The following MRGBP variants were observed in gnomAD, a reference collection of about 807,000 sequenced individuals.
MRGBP encodes the protein MRG/MORF4L-binding protein.
A neutral mutation model predicts 21.5 loss-of-function variants in MRGBP; 5 were observed. That is an observed-to-expected ratio of 0.23 (90% CI 0.12 to 0.49). MRGBP has a LOEUF of 0.49. Ranked by LOEUF, MRGBP falls within the 20% of genes least tolerant of loss-of-function variation. The pLI is 0.98. For synonymous variants in MRGBP, 118 were observed against 104.4 expected, an observed-to-expected ratio of 1.13 and a Z score of -0.79; for missense variants, 227 against 277.4, an observed-to-expected ratio of 0.82 and a Z score of 1.29.
chr20:62,798,949 G>T, intron 3 of MRGBP, 26 bp from the exon 4 acceptor site: 1 of 1,613,316 alleles, frequency 6.2e-7, no homozygotes, highest in Non-Finnish European at 8.5e-7. Context: ...TGGGTTTTCG[G>T]TGAGCGTCAG....
intron 1 of MRGBP, 39 bp from the exon 2 acceptor site, chr20:62,797,070 CA>C: frequency 6.5e-7 from 1 of 1,529,566 alleles, no homozygotes. Context: ...CCTTTCTCCT[CA>C]CCGCTCACCG....
At chr20:62,797,378 G>T (rs1006037442) in intron 2 of MRGBP, 147 bp downstream of exon 2, 4 of 1,170,878 alleles carry the variant, frequency 3.4e-6, no homozygotes, top group Non-Finnish European at 4.5e-6. Flanking sequence ...GCCTGCTGGG[G>T]TCTGCAGTGA....
Position 62,799,964 on chromosome 20 carries a change from C to T in MRGBP, c.*321C>T, listed in dbSNP as rs1381156072. The T allele has an allele frequency of 1.1e-5, 3 of 278,320 alleles. No homozygotes were observed. The highest frequency in any genetic ancestry group is 1.3e-4 in the East Asian group (2 of 15,884). The allele number at this position is 278,320 out of a possible 1,614,324, so 17.2% of individuals were successfully genotyped here. ...TGCTTGGTGACATGGATTAGCGCTA[C>T]GTGGGCTGCAGCATTTGGGATCCAG... On this transcript the variant is annotated 3_prime_UTR_variant, in exon 5 of 5. Coordinates refer to ENST00000370487, the MANE Select transcript of MRGBP (RefSeq NM_018270.6).
At position 62,799,553 on chromosome 20, in the gene MRGBP, C is replaced by G; in HGVS notation, c.525C>G (p.Asp175Glu). 1.2e-6 allele frequency: 2 copies of G among 1,613,856 alleles called. No individual in the cohort carries two copies. Among genetic ancestry groups the G allele is most frequent in the Non-Finnish European group, 1.7e-6 (2 of 1,180,012 alleles). Reference sequence around the variant, plus strand: ...ACTTGGGGTGCAAAGAAGGCGCAGACAAGCGGAAGCGCAGCCGGGTCACCG... The same window carrying G: ...ACTTGGGGTGCAAAGAAGGCGCAGAGAAGCGGAAGCGCAGCCGGGTCACCG... ...SSDLGCKEGA[D>E]KRKRSRVTDK... is the part of the protein sequence containing the mutation. Residue 175 changes from aspartate (D) to glutamate (E), a missense_variant, in exon 5 of 5, where the codon GAC becomes GAG. By Grantham distance (45) the Asp-to-Glu change is conservative. Around this residue, in one of 2 missense-constraint regions of MRGBP, gnomAD observed 162 missense variants for 227.7 expected, o/e 0.71. Transcript: ENST00000370487.
rs1414893865 is a variant in MRGBP at position 62,796,504 on chromosome 20, TG to T, written c.-19del. The T allele has an allele frequency of 8.8e-7, 1 of 1,132,618 alleles. No homozygotes were observed. Among genetic ancestry groups the T allele is most frequent in the Non-Finnish European group, 1.1e-6 (1 of 924,346 alleles). The allele number at this position is 1,132,618 out of a possible 1,614,324, so 70.2% of individuals were successfully genotyped here. A position where few individuals can be genotyped will look rare whatever the true frequency, so the allele number is the denominator to read the frequency against. On this transcript the variant is annotated 5_prime_UTR_variant, in exon 1 of 5. Transcript: ENST00000370487. The stretch of plus-strand genomic sequence containing the variant: ...GCGCCTGCTCCCGCCGGGGGCTCCT[TG>T]CTCGGCCGGGCCGCGGCCATGGGAG...
In MRGBP at chr20:62,796,483, C is replaced by T; in HGVS notation, c.-41C>T. ...GCCTGCGCGGAGCTCGTGGCCGCGCCTGCTCCCGCCGGGGGCTCCTTGCTC... is the reference window on the plus strand; with the variant it reads ...GCCTGCGCGGAGCTCGTGGCCGCGCTTGCTCCCGCCGGGGGCTCCTTGCTC... On this transcript the variant is annotated 5_prime_UTR_variant, in exon 1 of 5. Transcript: ENST00000370487. The T allele has an allele frequency of 9.1e-7, 1 of 1,104,050 alleles. No individual in the cohort carries two copies. The highest frequency in any genetic ancestry group is 1.1e-6 in the Non-Finnish European group (1 of 905,988). 68.4% of individuals were successfully genotyped at this position (1,104,050 alleles called of 1,614,324 possible). A position where few individuals can be genotyped will look rare whatever the true frequency, so the allele number is the denominator to read the frequency against.
At chr20:62,797,799 C>G (rs992212682) in intron 2 of MRGBP, among the ~76,000 whole-genome samples, 1 of 152,156 alleles carries the variant, frequency 6.6e-6, no homozygotes, top group East Asian at 1.9e-4. Context: ...GACGGGCGAG[C>G]GGGTTAACTA....
In MRGBP at chr20:62,797,095, C is replaced by T. The variant is rs550406324; in HGVS notation, c.149-15C>T. ...CACCGCTCACCGGTTATCCCGCCGCCCCTCCTCCCCTCAGGTGTGAACCGA... is the reference window on the plus strand; with the variant it reads ...CACCGCTCACCGGTTATCCCGCCGCTCCTCCTCCCCTCAGGTGTGAACCGA... On this transcript the variant is annotated splice_polypyrimidine_tract_variant and intron_variant, in intron 1 of 4. Coordinates refer to ENST00000370487, the MANE Select transcript of MRGBP (RefSeq NM_018270.6). The T allele has an allele frequency of 2.4e-5, 38 of 1,588,584 alleles. No homozygotes were observed. In the South Asian group the frequency reaches 3.1e-4, roughly 13 times the overall value.
intron 3 of MRGBP, 122 bp from the exon 4 acceptor site, chr20:62,798,853 T>C: frequency 6.3e-7 from 1 of 1,576,192 alleles, no homozygotes; most frequent in Non-Finnish European, 8.6e-7. Context: ...TTGAGAGCAG[T>C]GGCTGGACGG....
In MRGBP at chr20:62,799,702, T is replaced by C; in HGVS notation, c.*59T>C. On this transcript the variant is annotated 3_prime_UTR_variant, in exon 5 of 5. Transcript: ENST00000370487. The stretch of plus-strand genomic sequence containing the variant: ...GAGGCACTGTGGTCGCTGAGGGGGT[T>C]GGCTGGGTCTGAGTGCCACCCCCCA... 6.5e-7 allele frequency: 1 copy of C among 1,542,886 alleles called. No homozygotes were observed. Among genetic ancestry groups the C allele is most frequent in the Non-Finnish European group, 8.7e-7 (1 of 1,144,146 alleles).
chr20:62,799,036 T>G lies in MRGBP; in HGVS notation c.414T>G (p.Asn138Lys). ...TGAAGGAAGACGTGGACCCCCACAA[T>G]GGGGCTGACGATGGTGAGTGTGGAG... ...EEMKEDVDPH[N>K]GADDVFSSSG... Residue 138 changes from asparagine to lysine, a missense_variant, in exon 4 of 5, where the codon AAT becomes AAG. Physicochemically the swap from Asn to Lys is moderately conservative, Grantham distance 94. Around this residue, in one of 2 missense-constraint regions of MRGBP, gnomAD observed 162 missense variants for 227.7 expected, o/e 0.71. Transcript: ENST00000370487. 1 of 1,612,472 alleles carries G rather than the reference T, an allele frequency of 6.2e-7. No individual in the cohort carries two copies. The highest frequency in any genetic ancestry group is 1.1e-5 in the South Asian group (1 of 91,010).
In MRGBP at chr20:62,797,228, G is replaced by A. The variant is rs146684922; in HGVS notation, c.267G>A (p.Ala89=). 1.3e-6 allele frequency: 2 copies of A among 1,583,054 alleles called. No homozygotes were observed. The highest frequency in any genetic ancestry group is 1.4e-5 in the African/African-American group (1 of 73,388). ...TGAGCACCATGTACGACATGCAGGC[G>A]CTGGTGAGCCCAACCGCCCTCCCTG... ...DHLSTMYDMQ[A]LHESEILPFP... Residue 89 remains alanine, a synonymous_variant, in exon 2 of 5, where the codon GCG becomes GCA. Coordinates refer to ENST00000370487, the MANE Select transcript of MRGBP (RefSeq NM_018270.6).
chr20:62,798,690 G>A (rs1470892214), intron 3 of MRGBP, 22 bp downstream of exon 3: 2 of 1,612,190 alleles, frequency 1.2e-6, no homozygotes, highest in Admixed American at 3.3e-5. Flanking sequence ...GAAAGGTTGG[G>A]CTTGGGATTC....
chr20:62,797,965 GA>G (rs2147174744), intron 2 of MRGBP, among the ~76,000 whole-genome samples: 1 of 152,262 alleles, frequency 6.6e-6, no homozygotes, highest in East Asian at 1.9e-4. Context: ...TGTGCTGGTG[GA>G]GAGTCTGTGC....
In MRGBP at chr20:62,796,581, G is replaced by T; in HGVS notation, c.58G>T (p.Ala20Ser). 1 of 1,264,504 alleles carries T rather than the reference G, an allele frequency of 7.9e-7. No individual in the cohort carries two copies. 78.3% of individuals were successfully genotyped at this position (1,264,504 alleles called of 1,614,324 possible). Reference protein sequence around the residue: ...GAAGDKGPGEAATSPAEETVV... With the variant: ...GAAGDKGPGESATSPAEETVV... ...CGCAGGCGACAAGGGCCCGGGGGAG[G>T]CGGCCACCAGCCCGGCGGAGGAGAC... The change falls in exon 1 of 5, where the codon GCG becomes TCG. Residue 20 changes from alanine (A) to serine (S), a missense_variant. Physicochemically the swap from Ala to Ser is moderately conservative, Grantham distance 99. Coordinates refer to ENST00000370487, the MANE Select transcript of MRGBP (RefSeq NM_018270.6).
At chr20:62,798,890 C>G (rs988230217) in intron 3 of MRGBP, 85 bp from the exon 4 acceptor site, 1 of 1,595,558 alleles carries the variant, frequency 6.3e-7, no homozygotes, top group Non-Finnish European at 8.5e-7. Context: ...GGGCAGCAAG[C>G]GTCGGAGCAG....
chr20:62,797,301 G>A, intron 2 of MRGBP, 70 bp downstream of exon 2: 1 of 1,480,494 alleles, frequency 6.8e-7, no homozygotes, highest in Non-Finnish European at 9.0e-7. Context: ...CTGAGAGTCA[G>A]CCTGAGCTGG....
chr20:62,796,623 G>A lies in MRGBP; in HGVS notation c.100G>A (p.Glu34Lys). ...PAEETVVWSP[E>K]VEVCLFHAML... The stretch of plus-strand genomic sequence containing the variant: ...GGAGGAGACAGTGGTGTGGAGCCCC[G>A]AGGTGGAGGTGTGCCTCTTCCACGC... The change falls in exon 1 of 5, where the codon GAG (glutamate) becomes AAG (lysine). Residue 34 changes from glutamate to lysine, a missense_variant. By Grantham distance (56) the Glu-to-Lys change is moderately conservative (BLOSUM62 1). Around this residue, in one of 2 missense-constraint regions of MRGBP, gnomAD observed 65 missense variants for 49.7 expected, o/e 1.31. Transcript: ENST00000370487. 1 of 1,332,134 alleles carries A rather than the reference G, an allele frequency of 7.5e-7. No individual in the cohort carries two copies. Among genetic ancestry groups the A allele is most frequent in the South Asian group, 1.8e-5 (1 of 55,226 alleles). 82.5% of individuals were successfully genotyped at this position (1,332,134 alleles called of 1,614,324 possible).
intron 2 of MRGBP, among the ~76,000 whole-genome samples, chr20:62,798,363 G>T (rs562266170): frequency 1.3e-5 from 2 of 152,160 alleles, no homozygotes; most frequent in East Asian, 1.9e-4. Context: ...ATCTGCTGCC[G>T]CTGGTTCTGC....
Sources: gnomAD v4.1 joint callset for allele counts (sites outside exome capture counted in the v4.1 genomes callset) on GRCh38, gnomAD v4.1.1 for gene constraint, gnomAD v4.1.1 regional missense constraint, MANE v1.5 for transcripts, NCBI Gene and HGNC (gene_info 2026-07-23, HGNC 2026-07-21) for gene names.